PDGFRL: variants seen among roughly 807,000 people sequenced by gnomAD.
The protein encoded by PDGFRL is platelet-derived growth factor receptor-like protein.
A neutral mutation model predicts 37.2 loss-of-function variants in PDGFRL; 46 were observed. The observed-to-expected ratio is 1.24, with a 90% CI of 0.98 to 1.58. The LOEUF is 1.58. Ranked by LOEUF, PDGFRL falls within the 40% of genes most tolerant of loss-of-function variation. The probability of loss-of-function intolerance (pLI) is 0.00; values close to 1 mark genes in which losing one functional copy is unlikely to be tolerated. For missense variants in PDGFRL, 692 were observed against 467.6 expected, an observed-to-expected ratio of 1.48 and a Z score of -4.43; for synonymous variants, 251 against 184.3, an observed-to-expected ratio of 1.36 and a Z score of -2.93.
chr8:17,600,042 A>C (rs1585309493), intron 2 of PDGFRL, among the ~76,000 whole-genome samples: 1 of 152,202 alleles, frequency 6.6e-6, no homozygotes, highest in Non-Finnish European at 1.5e-5. Context: ...TGCACCCTGC[A>C]GCCATCTTCC....
intron 2 of PDGFRL, among the ~76,000 whole-genome samples, chr8:17,604,900 G>A (rs1032314037): frequency 6.6e-6 from 1 of 152,108 alleles, no homozygotes; most frequent in African/African-American, 2.4e-5. Flanking sequence ...AATCACTTGA[G>A]CTCAGGAGTT....
chr8:17,634,001 A>G (rs1804915282), intron 4 of PDGFRL, 73 bp from the exon 5 acceptor site: 2 of 1,406,698 alleles, frequency 1.4e-6, no homozygotes, highest in Middle Eastern at 3.5e-4. Flanking sequence ...TCCATGGAAA[A>G]GAATGCATCT....
chr8:17,621,051 C>T lies in PDGFRL; in HGVS notation c.354C>T (p.Ser118=), dbSNP rs150122102. 460 of 1,594,920 alleles carry T rather than the reference C, an allele frequency of 2.9e-4. No homozygotes were observed. The African/African-American group carries it at 4.0e-3, about 14-fold the overall frequency. ...GAGTTCATGTGTCTTTTATTCCTAG[C>T]GTCAAGCAGAATGAGCGCTACGGCC... ...YLDTFKDSRL[S]VKQNERYGQL... is the part of the protein sequence containing the mutation. The change falls in exon 3 of 6, where the codon AGC becomes AGT. Residue 118 remains serine, a splice_region_variant and synonymous_variant. Coordinates refer to ENST00000251630, the MANE Select transcript of PDGFRL (RefSeq NM_001372073.1).
chr8:17,588,012 CCCA>C lies in PDGFRL; in HGVS notation c.56-1451_56-1449del, dbSNP rs1417043743. 2.3e-4 allele frequency among the ~76,000 whole-genome samples: 35 copies of C among 152,156 alleles called. 1 individual carries two copies. The highest frequency in any genetic ancestry group is 8.0e-4 in the African/African-American group (33 of 41,484). ...AGCTGAGATTTTTAGAGTCCGGTGG[CCCA>C]CCACAGGCAGAACAGTGGGGGCACT... On this transcript the variant is annotated intron_variant, in intron 1 of 5. Transcript: ENST00000251630.
chr8:17,640,651 C>T (rs898052398), intron 5 of PDGFRL, among the ~76,000 whole-genome samples: 4 of 152,140 alleles, frequency 2.6e-5, no homozygotes, highest in Non-Finnish European at 5.9e-5. Flanking sequence ...CCATGGATGC[C>T]AGCAGCTGCT....
chr8:17,625,154 GT>G (rs1234651563), intron 3 of PDGFRL, among the ~76,000 whole-genome samples: 8 of 94,112 alleles, frequency 8.5e-5, no homozygotes, highest in Non-Finnish European at 1.4e-4. Context: ...GCATTTTTTT[GT>G]TTTTTTGTCT....
chr8:17,578,096 T>C (rs1803627324), intron 1 of PDGFRL, among the ~76,000 whole-genome samples: 1 of 152,038 alleles, frequency 6.6e-6, no homozygotes, highest in African/African-American at 2.4e-5. Flanking sequence ...TTATATATTA[T>C]TGTTAGCATT....
At chr8:17,587,594 A>T (rs960823915) in intron 1 of PDGFRL, among the ~76,000 whole-genome samples, 1 of 151,940 alleles carries the variant, frequency 6.6e-6, no homozygotes, top group African/African-American at 2.4e-5. Context: ...CCCAGACTGC[A>T]GTGCAGTGGT....
At chr8:17,617,985 CCCTTT>C (rs1804561247) in intron 2 of PDGFRL, among the ~76,000 whole-genome samples, 1 of 110,096 alleles carries the variant, frequency 9.1e-6, no homozygotes, top group Non-Finnish European at 2.2e-5. Context: ...ATTTTCCCTT[CCCTTT>C]TCTTTTCTTT....
chr8:17,627,159 G>A (rs895641101), intron 3 of PDGFRL, among the ~76,000 whole-genome samples: 1 of 152,186 alleles, frequency 6.6e-6, no homozygotes, highest in Admixed American at 6.5e-5. Flanking sequence ...CTGTGGGGCT[G>A]ATTTCTCCAC....
intron 1 of PDGFRL, among the ~76,000 whole-genome samples, chr8:17,589,245 G>T (rs1169453743): frequency 6.6e-6 from 1 of 152,050 alleles, no homozygotes; most frequent in Admixed American, 6.6e-5. Context: ...AATGAGTTGG[G>T]TGTGGCGGCG....
intron 2 of PDGFRL, among the ~76,000 whole-genome samples, chr8:17,603,350 A>C (rs1804206099): frequency 6.6e-6 from 1 of 152,178 alleles, no homozygotes; most frequent in Non-Finnish European, 1.5e-5. Flanking sequence ...CACAGGGACA[A>C]ATTTATTCAT....
At chr8:17,579,722 A>G (rs1803667106) in intron 1 of PDGFRL, among the ~76,000 whole-genome samples, 1 of 152,038 alleles carries the variant, frequency 6.6e-6, no homozygotes, top group African/African-American at 2.4e-5. Context: ...GCAAGTGTGT[A>G]TGGGGGTGAA....
At chr8:17,617,909 C>G (rs947234354) in intron 2 of PDGFRL, among the ~76,000 whole-genome samples, 1 of 152,082 alleles carries the variant, frequency 6.6e-6, no homozygotes, top group African/African-American at 2.4e-5. Flanking sequence ...GATTTGGTAC[C>G]CTGGTTCTGA....
At chr8:17,579,606 C>T (rs1010227285) in intron 1 of PDGFRL, among the ~76,000 whole-genome samples, 6 of 150,248 alleles carry the variant, frequency 4.0e-5, no homozygotes, top group Non-Finnish European at 8.9e-5. Context: ...CTTGCTATGT[C>T]ACCCAGGTGG....
chr8:17,577,313 T>A lies in PDGFRL; in HGVS notation c.55+6T>A. 1 of 1,611,404 alleles carries A rather than the reference T, an allele frequency of 6.2e-7. No homozygotes were observed. Among genetic ancestry groups the A allele is most frequent in the Non-Finnish European group, 8.5e-7 (1 of 1,178,714 alleles). ...GCACGAAGCGCTGGAGGATGGTGAG[T>A]GACTCTGGGCGCGGGGCCACCTAGC... On this transcript the variant is annotated splice_donor_region_variant and intron_variant, in intron 1 of 5. Coordinates refer to ENST00000251630, the MANE Select transcript of PDGFRL (RefSeq NM_001372073.1).
chr8:17,580,299 A>G (rs993181476), intron 1 of PDGFRL, among the ~76,000 whole-genome samples: 2 of 152,122 alleles, frequency 1.3e-5, no homozygotes, highest in African/African-American at 4.8e-5. Flanking sequence ...AGCCTTTGAC[A>G]CTTTCGTGTC....
upstream of PDGFRL, chr8:17,576,498 G>A (rs917000550): frequency 6.4e-6 from 1 of 155,646 alleles, no homozygotes; most frequent in Non-Finnish European, 1.4e-5. Context: ...GCCTAGAACT[G>A]TCTGCACCTG....
chr8:17,589,879 A>T, intron 2 of PDGFRL, 114 bp downstream of exon 2: 1 of 659,576 alleles, frequency 1.5e-6, no homozygotes, highest in South Asian at 2.1e-5. Context: ...ACCCTAATAG[A>T]TCATAAAAAT....
Sources: allele counts gnomAD v4.1 joint callset (sites outside exome capture counted in the v4.1 genomes callset), GRCh38; gene constraint gnomAD v4.1.1; transcripts MANE v1.5; gene names NCBI Gene and HGNC (gene_info 2026-07-23, HGNC 2026-07-21).